Variants in XYLB observed in about 807,000 individuals in gnomAD.
XYLB encodes the protein xylulose kinase.
A neutral mutation model predicts 78.7 loss-of-function variants in XYLB; 62 were observed. That is an observed-to-expected ratio of 0.79 (90% CI 0.64 to 0.97). The LOEUF is 0.97. Among genes scored for constraint, XYLB ranks in the 50% least tolerant of loss-of-function variants. The probability of loss-of-function intolerance (pLI) is 0.00; values close to 1 mark genes in which losing one functional copy is unlikely to be tolerated. For synonymous variants in XYLB, 245 were observed against 247.4 expected (o/e 0.99, Z 0.09); for missense variants, 687 against 676.8 (o/e 1.02, Z -0.17).
downstream of XYLB, among the ~76,000 whole-genome samples, chr3:38,418,421 C>T (rs1708872377): frequency 6.6e-6 from 1 of 151,970 alleles, no homozygotes; most frequent in Middle Eastern, 3.2e-3. Context: ...GCAACATCAA[C>T]AAAACTAAAT....
At chr3:38,362,662 G>T (rs557336731) in intron 3 of XYLB, among the ~76,000 whole-genome samples, 1 of 151,132 alleles carries the variant, frequency 6.6e-6, no homozygotes, top group African/African-American at 2.4e-5. Context: ...ACCCTGTCTC[G>T]AAGAAAAAAA....
intron 15 of XYLB, among the ~76,000 whole-genome samples, chr3:38,380,479 G>A (rs1310816274): frequency 1.3e-5 from 2 of 152,156 alleles, no homozygotes; most frequent in African/African-American, 4.8e-5. Context: ...CATTAGAGAA[G>A]ATAGTGAAGC....
At chr3:38,359,353 A>G (rs1449453064) in intron 2 of XYLB, among the ~76,000 whole-genome samples, 3 of 152,138 alleles carry the variant, frequency 2.0e-5, no homozygotes, top group Non-Finnish European at 4.4e-5. Flanking sequence ...TAAACCAGCA[A>G]CCTCCAGTGT....
intron 14 of XYLB, 56 bp downstream of exon 14, chr3:38,377,047 T>G: frequency 1.4e-6 from 2 of 1,434,032 alleles, no homozygotes; most frequent in Non-Finnish European, 2.0e-6. Context: ...GTGTAAAATT[T>G]AACAATTGCC....
Position 38,375,220 on chromosome 3 carries a change from G to C in XYLB, c.965G>C (p.Cys322Ser), listed in dbSNP as rs1706788313. The C allele has an allele frequency of 6.2e-7, 1 of 1,614,092 alleles. No individual in the cohort carries two copies. The highest frequency in any genetic ancestry group is 8.5e-7 in the Non-Finnish European group (1 of 1,180,040). Residue 322 changes from cysteine (C) to serine (S), a missense_variant, in exon 12 of 19, where the codon TGC becomes TCC. Cys to Ser is a moderately radical substitution (Grantham distance 112). Transcript: ENST00000207870. ...PMPALEGHIF[C>S]NPVDSQHYMA... ...CCTGCCCTGGAAGGCCACATCTTCT[G>C]CAACCCGGTTGACTCCCAGCACTAC...
At chr3:38,348,229 T>C (rs947740053) in intron 1 of XYLB, among the ~76,000 whole-genome samples, 1 of 152,228 alleles carries the variant, frequency 6.6e-6, no homozygotes, top group Admixed American at 6.5e-5. Flanking sequence ...TCCCGCCTCC[T>C]TGTCAGGTGC....
chr3:38,365,646 C>A lies in XYLB; in HGVS notation c.417C>A (p.Asp139Glu), dbSNP rs151611. 1 of 1,613,872 alleles carries A rather than the reference C, an allele frequency of 6.2e-7. No homozygotes were observed. Among genetic ancestry groups the A allele is most frequent in the Non-Finnish European group, 8.5e-7 (1 of 1,179,962 alleles). ...TCAGCGACTGCCCGGTGTGGATGGA[C>A]TCCAGCACCACAGCCCAGTGCCGCC... ...FSISDCPVWM[D>E]SSTTAQCRQL... The change falls in exon 6 of 19, where the codon GAC becomes GAA. Residue 139 changes from aspartate (D) to glutamate (E), a missense_variant. Transcript: ENST00000207870.
rs112106535 is a variant in XYLB, at chr3:38,369,744, G to A, written c.647-312G>A. On this transcript the variant is annotated intron_variant, in intron 8 of 18. Coordinates refer to ENST00000207870, the MANE Select transcript of XYLB (RefSeq NM_005108.4). ...GGAAACCTAAGGGACATGGAGAGTG[G>A]TTCCTGGTCAGTGTGTTGCTGCTAG... Among the ~76,000 whole-genome samples the A allele has an allele frequency of 7.3e-3, 1,106 of 152,308 alleles. 6 individuals are homozygous for A. The highest frequency in any genetic ancestry group is 0.011 in the Non-Finnish European group (772 of 68,016).
downstream of XYLB, among the ~76,000 whole-genome samples, chr3:38,424,536 T>A (rs370739676): frequency 6.6e-6 from 1 of 152,200 alleles, no homozygotes. Context: ...TTAAACGAAT[T>A]GAAGGTGCGG....
At chr3:38,418,037 C>CA (rs1025527236), downstream of XYLB, among the ~76,000 whole-genome samples, 1 of 150,122 alleles carries the variant, frequency 6.7e-6, no homozygotes, top group Non-Finnish European at 1.5e-5. Flanking sequence ...ACTAATAATA[C>CA]AAAAAAAATT....
intron 15 of XYLB, among the ~76,000 whole-genome samples, chr3:38,386,077 A>C (rs1707372227): frequency 6.6e-6 from 1 of 152,164 alleles, no homozygotes; most frequent in Admixed American, 6.5e-5. Flanking sequence ...CCAGTCCAAC[A>C]CCATGGGGTT....
At chr3:38,348,680 G>A (rs781383518) in intron 2 of XYLB, 48 bp downstream of exon 2, 1 of 1,582,830 alleles carries the variant, frequency 6.3e-7, no homozygotes, top group Non-Finnish European at 8.7e-7. Flanking sequence ...TTGGTTTTGG[G>A]GTCCTCCCGC....
At chr3:38,396,955 T>G in intron 16 of XYLB, 117 bp from the exon 17 acceptor site, 1 of 988,952 alleles carries the variant, frequency 1.0e-6, no homozygotes, top group Admixed American at 1.9e-5. Flanking sequence ...GCAGTCGAGG[T>G]GGAATGGAAG....
At chr3:38,443,393 G>A in the XYLB span, among the ~76,000 whole-genome samples, 3 of 152,288 alleles carry the variant, frequency 2.0e-5, no homozygotes, top group African/African-American at 7.2e-5. Flanking sequence ...CGGCATAGTG[G>A]ACATGGGCGA....
At chr3:38,442,172 G>A in the XYLB span, among the ~76,000 whole-genome samples, 1 of 152,126 alleles carries the variant, frequency 6.6e-6, no homozygotes, top group African/African-American at 2.4e-5. Flanking sequence ...CCTTGCTGAG[G>A]GCCCTGGTTC....
chr3:38,355,774 G>A (rs1406136326), intron 2 of XYLB: 1 of 703,536 alleles, frequency 1.4e-6, no homozygotes, highest in Non-Finnish European at 2.6e-6. Context: ...GAACATGACA[G>A]AGCCACCATC....
At chr3:38,359,769 A>G (rs1023440327) in intron 2 of XYLB, among the ~76,000 whole-genome samples, 1 of 152,224 alleles carries the variant, frequency 6.6e-6, no homozygotes, top group African/African-American at 2.4e-5. Context: ...TGGCTAGATC[A>G]CATGGTTATC....
At chr3:38,374,566 A>C in intron 11 of XYLB, 64 bp downstream of exon 11, 2 of 1,603,562 alleles carry the variant, frequency 1.2e-6, no homozygotes, top group South Asian at 1.1e-5. Flanking sequence ...CACTCTGATA[A>C]GTAGCAGAGG....
downstream of XYLB, among the ~76,000 whole-genome samples, chr3:38,417,879 CAA>C (rs534465318): frequency 1.3e-4 from 12 of 91,506 alleles, no homozygotes; most frequent in Admixed American, 3.6e-4. Context: ...GACTTCATCT[CAA>C]AAAAAAAAAA....
Sources: gnomAD v4.1 joint callset for allele counts (sites outside exome capture counted in the v4.1 genomes callset) on GRCh38, gnomAD v4.1.1 for gene constraint, MANE v1.5 for transcripts, NCBI Gene and HGNC (gene_info 2026-07-23, HGNC 2026-07-21) for gene names.